The following PDK3 variants were observed in gnomAD, a reference collection of about 807,000 sequenced individuals.
PDK3 encodes the protein pyruvate dehydrogenase kinase, isozyme 3.
PDK3 carries 12 observed loss-of-function variants against 32.0 expected under a neutral mutation model. That is an observed-to-expected ratio of 0.37 (90% CI 0.24 to 0.61). The LOEUF (loss-of-function observed/expected upper bound fraction) is 0.61. Among genes scored for constraint, PDK3 ranks in the 20% least tolerant of loss-of-function variants. The probability of loss-of-function intolerance (pLI) is 0.65; values close to 1 mark genes in which losing one functional copy is unlikely to be tolerated. For missense variants in PDK3, 188 were observed against 316.9 expected (o/e 0.59, Z 3.09); for synonymous variants, 122 against 116.3 (o/e 1.05, Z -0.31).
chrX:24,530,010 T>A (rs1284232079), intron 9 of PDK3, among the ~76,000 whole-genome samples: 3 of 111,670 alleles, frequency 2.7e-5, no homozygotes, highest in African/African-American at 9.8e-5. Flanking sequence ...CTCCTCTGCA[T>A]TCTTTGGGAG....
In PDK3 at chrX:24,544,256, T is replaced by C. The variant is rs141758823; in HGVS notation, c.*5092T>C. On this transcript the variant is annotated 3_prime_UTR_variant, in exon 12 of 12. Transcript: ENST00000568479. ...CTGCCCTGGGGGTGGCCGGGTCCCA[T>C]TGGGAGACAGATCCTCTTTGCATTT... Among the ~76,000 whole-genome samples, 17 of 111,050 alleles carry C rather than the reference T, an allele frequency of 1.5e-4. No homozygotes were observed. In the East Asian group the frequency reaches 2.8e-3, roughly 19 times the overall value.
chrX:24,493,523 G>A (rs910333451), intron 1 of PDK3, among the ~76,000 whole-genome samples: 2 of 111,182 alleles, frequency 1.8e-5, no homozygotes, highest in Non-Finnish European at 3.8e-5. Context: ...GGCTCTGCTC[G>A]TCTCTCTCTG....
downstream of PDK3, among the ~76,000 whole-genome samples, chrX:24,535,126 C>G (rs1922742358): frequency 8.9e-6 from 1 of 112,655 alleles, no homozygotes; most frequent in South Asian, 3.6e-4. Flanking sequence ...AGCTTCAACT[C>G]TACTAGCAAC....
In PDK3 at chrX:24,543,367, C is replaced by CA. The variant is rs774766779; in HGVS notation, c.*4204dup. Among the ~76,000 whole-genome samples, 58 of 111,934 alleles carry CA rather than the reference C, an allele frequency of 5.2e-4. No individual in the cohort carries two copies. The Middle Eastern group carries it at 0.028, about 53-fold the overall frequency. On this transcript the variant is annotated 3_prime_UTR_variant, in exon 12 of 12. Coordinates refer to the PDK3 transcript ENST00000568479. ...TTATCCTCCATTTCACTGACTGACT[C>CA]AGTTTTCTGTACTGTTGATTCTAGG...
chrX:24,536,468 T>C (rs5986598), downstream of PDK3, among the ~76,000 whole-genome samples: 5,221 of 111,692 alleles, frequency 0.047, 161 homozygotes, highest in South Asian at 0.29. Flanking sequence ...ACAGTTCCTC[T>C]GGTAACTGTT....
chrX:24,500,167 G>A (rs1310514545), intron 3 of PDK3, among the ~76,000 whole-genome samples: 6 of 108,347 alleles, frequency 5.5e-5, no homozygotes, highest in African/African-American at 1.7e-4. Flanking sequence ...GCCACAGATT[G>A]AAAAGATATT....
intron 1 of PDK3, among the ~76,000 whole-genome samples, chrX:24,465,812 C>G (rs1940058607): frequency 8.9e-6 from 1 of 111,830 alleles, no homozygotes; most frequent in Admixed American, 9.4e-5. Flanking sequence ...GCAGGCGAGA[C>G]TCCCCAAACC....
At chrX:24,491,545 G>A (rs1921561427) in intron 1 of PDK3, among the ~76,000 whole-genome samples, 1 of 110,672 alleles carries the variant, frequency 9.0e-6, no homozygotes, top group Non-Finnish European at 1.9e-5. Flanking sequence ...AGATATCGAG[G>A]GTAGGGGGAT....
chrX:24,531,953 G>A (rs190140865), intron 10 of PDK3, among the ~76,000 whole-genome samples, 183 bp downstream of exon 10: 6 of 112,152 alleles, frequency 5.3e-5, no homozygotes, highest in African/African-American at 1.3e-4. Context: ...AATATGAAAC[G>A]TGGAGGTATA....
exon 12 of PDK3, chrX:24,539,708 A>T (rs1222655182): frequency 8.9e-6 from 1 of 112,528 alleles, no homozygotes; most frequent in Non-Finnish European, 1.9e-5. Flanking sequence ...GCCTTCTTCC[A>T]TCTGATCGGA....
intron 1 of PDK3, among the ~76,000 whole-genome samples, chrX:24,473,557 C>G (rs1921030210): frequency 9.2e-6 from 1 of 108,362 alleles, no homozygotes; most frequent in Non-Finnish European, 1.9e-5. Flanking sequence ...CTGCCTCAGC[C>G]TCCCGAGTAG....
chrX:24,498,675 TCC>T (rs748416003), intron 2 of PDK3, among the ~76,000 whole-genome samples, 152 bp from the exon 3 acceptor site: 71 of 111,565 alleles, frequency 6.4e-4, no homozygotes, highest in Non-Finnish European at 1.1e-3. Context: ...GGCACTGGCT[TCC>T]CTGATGCACT....
chrX:24,482,063 A>G (rs774451773), intron 1 of PDK3, among the ~76,000 whole-genome samples: 2 of 112,318 alleles, frequency 1.8e-5, no homozygotes, highest in South Asian at 7.4e-4. Flanking sequence ...GCTAAACACA[A>G]TAGTGGTTAG....
At chrX:24,509,374 C>T (rs1922063256) in intron 5 of PDK3, among the ~76,000 whole-genome samples, 1 of 111,446 alleles carries the variant, frequency 9.0e-6, no homozygotes, top group Non-Finnish European at 1.9e-5. Flanking sequence ...GCTTCCCTTA[C>T]TTAATCATTC....
At chrX:24,489,225 G>T (rs1486743026) in intron 1 of PDK3, among the ~76,000 whole-genome samples, 1 of 111,966 alleles carries the variant, frequency 8.9e-6, no homozygotes, top group Non-Finnish European at 1.9e-5. Context: ...TAAAAATCAG[G>T]CATTTCATAC....
At chrX:24,469,199 T>C (rs949692235) in intron 1 of PDK3, among the ~76,000 whole-genome samples, 17 of 112,239 alleles carry the variant, frequency 1.5e-4, no homozygotes, top group Non-Finnish European at 2.8e-4. Context: ...AATTATTATA[T>C]GCATTGTCAT....
At chrX:24,493,828 T>C (rs3788917) in intron 1 of PDK3, among the ~76,000 whole-genome samples, 2,901 of 111,993 alleles carry the variant, frequency 0.026, 60 homozygotes, top group South Asian at 0.22. Flanking sequence ...CTGGAGAACA[T>C]TTCTGTCTCC....
downstream of PDK3, among the ~76,000 whole-genome samples, chrX:24,535,240 C>T (rs747408553): frequency 8.9e-5 from 10 of 111,971 alleles, no homozygotes; most frequent in Admixed American, 9.5e-5. Context: ...CGCAGTGGCT[C>T]ACGCCAGTAA....
chrX:24,512,870 C>T (rs909172126), intron 5 of PDK3, among the ~76,000 whole-genome samples: 15 of 111,497 alleles, frequency 1.3e-4, no homozygotes, highest in African/African-American at 4.9e-4. Flanking sequence ...TCTGTGCCTG[C>T]TCCTTTACCT....
Sources: gnomAD v4.1 joint callset for allele counts (sites outside exome capture counted in the v4.1 genomes callset) on GRCh38, gnomAD v4.1.1 for gene constraint, MANE v1.5 for transcripts, NCBI Gene and HGNC (gene_info 2026-07-23, HGNC 2026-07-21) for gene names.